The following TSHZ2 variants were observed in gnomAD, a reference collection of about 807,000 sequenced individuals.
The protein encoded by TSHZ2 is teashirt zinc finger homeobox 2.
A neutral mutation model predicts 74.4 loss-of-function variants in TSHZ2; 21 were observed. The observed-to-expected ratio is 0.28, with a 90% CI of 0.20 to 0.41. TSHZ2 has a LOEUF of 0.41. TSHZ2 is among the 10% of genes least tolerant of loss of function. TSHZ2 has a pLI of 1.00. For missense variants in TSHZ2, 1,244 were observed against 1,293.5 expected (o/e 0.96, Z 0.59); for synonymous variants, 540 against 515.3 (o/e 1.05, Z -0.65).
intron 2 of TSHZ2, among the ~76,000 whole-genome samples, chr20:53,485,645 G>A (rs1986271316): frequency 6.6e-6 from 1 of 151,708 alleles, no homozygotes; most frequent in Non-Finnish European, 1.5e-5. Flanking sequence ...AGAGGCGGAG[G>A]TTGTAATGAA....
intron 1 of TSHZ2, 38 bp downstream of exon 1, chr20:52,973,371 G>A (rs926701068): frequency 1.9e-6 from 3 of 1,548,774 alleles, no homozygotes; most frequent in South Asian, 1.2e-5. Flanking sequence ...TGCCCTGTGC[G>A]CCGAGCTCCT....
At chr20:53,059,429 G>A (rs1301522018) in intron 1 of TSHZ2, among the ~76,000 whole-genome samples, 1 of 152,094 alleles carries the variant, frequency 6.6e-6, no homozygotes, top group Non-Finnish European at 1.5e-5. Flanking sequence ...TTAACATTCC[G>A]AGAAAAGACT....
rs199867379 is a variant in TSHZ2 at position 53,230,753 on chromosome 20, G to A, written c.41-22746G>A. The stretch of plus-strand genomic sequence containing the variant: ...TAAAAATACAAAAAATTAGCTGGGC[G>A]TGGTGGTGGCCACTTGTAATCCCAG... On this transcript the variant is annotated intron_variant, in intron 1 of 2. Transcript: ENST00000371497. 3.4e-4 allele frequency among the ~76,000 whole-genome samples: 52 copies of A among 152,020 alleles called. No homozygotes were observed. The South Asian group carries it at 4.2e-3, about 12-fold the overall frequency.
chr20:53,468,176 C>T (rs564137111), intron 2 of TSHZ2, among the ~76,000 whole-genome samples: 10 of 152,128 alleles, frequency 6.6e-5, no homozygotes, highest in African/African-American at 2.2e-4. Context: ...CAGAGAATGC[C>T]TCTCTGTCTT....
At position 53,141,684 on chromosome 20, in the gene TSHZ2, A is replaced by G. The variant is rs543870472; in HGVS notation, c.41-111815A>G. On this transcript the variant is annotated intron_variant, in intron 1 of 2. Coordinates refer to ENST00000371497, the MANE Select transcript of TSHZ2 (RefSeq NM_173485.6). ...GCTGTTTGTCACCTTTCCTGCACCTATCCGGGCCCTCCCTGGTGGAGTGTG... is the reference window on the plus strand; with the variant it reads ...GCTGTTTGTCACCTTTCCTGCACCTGTCCGGGCCCTCCCTGGTGGAGTGTG... 1.5e-3 allele frequency among the ~76,000 whole-genome samples: 231 copies of G among 152,326 alleles called. 1 individual carries two copies. Among genetic ancestry groups the G allele is most frequent in the Middle Eastern group, 0.01 (3 of 294 alleles).
intron 2 of TSHZ2, among the ~76,000 whole-genome samples, chr20:53,391,151 TTTTGG>T (rs149288139): frequency 0.071 from 10,742 of 150,684 alleles, 1,044 homozygotes; most frequent in African/African-American, 0.21. Context: ...TTTTGTTTTG[TTTTGG>T]TTTGGTTTGA....
chr20:53,278,316 A>G (rs1039112247), intron 2 of TSHZ2, among the ~76,000 whole-genome samples: 1 of 152,180 alleles, frequency 6.6e-6, no homozygotes, highest in Non-Finnish European at 1.5e-5. Context: ...TACTCTTCTC[A>G]TGATGTCTCA....
chr20:53,033,065 C>T (rs911736627), intron 1 of TSHZ2, among the ~76,000 whole-genome samples: 1 of 152,134 alleles, frequency 6.6e-6, no homozygotes, highest in Non-Finnish European at 1.5e-5. Flanking sequence ...GGTGACTTTC[C>T]ATGCCCAGAA....
chr20:53,488,779 G>A lies in TSHZ2; in HGVS notation c.*1644G>A, dbSNP rs1407884244. ...TTCCTCACCATTTCTCAAGGAGGCT[G>A]CCTGTTGGAATTGTTTTGGAAATTT... is the stretch of plus-strand genomic sequence containing the variant. On this transcript the variant is annotated 3_prime_UTR_variant, in exon 3 of 3. Coordinates refer to ENST00000371497, the MANE Select transcript of TSHZ2 (RefSeq NM_173485.6). The A allele has an allele frequency of 3.1e-6, 1 of 321,490 alleles. No homozygotes were observed. Among genetic ancestry groups the A allele is most frequent in the African/African-American group, 2.2e-5 (1 of 45,506 alleles). The allele number at this position is 321,490 out of a possible 1,614,324, so 19.9% of individuals were successfully genotyped here.
chr20:53,099,593 G>T (rs1252725220), intron 1 of TSHZ2, among the ~76,000 whole-genome samples: 1 of 152,206 alleles, frequency 6.6e-6, no homozygotes, highest in Non-Finnish European at 1.5e-5. Flanking sequence ...TAAAGAAAAA[G>T]AGGTTTAATG....
chr20:53,093,012 TTGCCCTG>T (rs536763431), intron 1 of TSHZ2, among the ~76,000 whole-genome samples: 74 of 152,186 alleles, frequency 4.9e-4, no homozygotes, highest in Non-Finnish European at 9.1e-4. Flanking sequence ...GGACTGTAGT[TTGCCCTG>T]TGCTAGGGAG....
chr20:53,273,895 C>T (rs1354753814), intron 2 of TSHZ2, among the ~76,000 whole-genome samples: 1 of 152,188 alleles, frequency 6.6e-6, no homozygotes, highest in East Asian at 1.9e-4. Flanking sequence ...GACCAGGATA[C>T]AACTGCTCTT....
intron 1 of TSHZ2, among the ~76,000 whole-genome samples, chr20:53,175,963 GTAAA>G (rs1185957492): frequency 6.6e-6 from 1 of 152,176 alleles, no homozygotes. Context: ...GAGTAAAAAC[GTAAA>G]TAAATAAACA....
intron 1 of TSHZ2, among the ~76,000 whole-genome samples, chr20:53,050,145 A>ATATATT (rs1218722546): frequency 1.0e-4 from 10 of 96,690 alleles, no homozygotes; most frequent in African/African-American, 2.9e-4. Context: ...ATATGTGTAT[A>ATATATT]TATATATACA....
intron 1 of TSHZ2, among the ~76,000 whole-genome samples, chr20:53,149,282 T>G (rs1394678980): frequency 6.6e-6 from 1 of 152,034 alleles, no homozygotes; most frequent in African/African-American, 2.4e-5. Flanking sequence ...AGGTGTCATT[T>G]GTCACTGGGG....
At chr20:53,069,662 TACACACACACACACACACACACACACAC>T (rs11471151) in intron 1 of TSHZ2, among the ~76,000 whole-genome samples, 10 of 138,996 alleles carry the variant, frequency 7.2e-5, no homozygotes, top group South Asian at 2.6e-4. Flanking sequence ...AATGCTTTGA[TACACACACACACACACACACACACACAC>T]ACACACACAC....
intron 2 of TSHZ2, among the ~76,000 whole-genome samples, chr20:53,268,926 C>G (rs1315672019): frequency 6.6e-6 from 1 of 152,208 alleles, no homozygotes; most frequent in Non-Finnish European, 1.5e-5. Context: ...CGGGGCAAGT[C>G]AGTTATTCTC....
At chr20:53,110,866 A>T (rs1986514800) in intron 1 of TSHZ2, among the ~76,000 whole-genome samples, 1 of 152,132 alleles carries the variant, frequency 6.6e-6, no homozygotes, top group South Asian at 2.1e-4. Flanking sequence ...GTTCTGGAAG[A>T]TGCAGCTGAG....
At chr20:53,271,683 G>A (rs186542931) in intron 2 of TSHZ2, among the ~76,000 whole-genome samples, 178 of 152,334 alleles carry the variant, frequency 1.2e-3, no homozygotes, top group African/African-American at 4.0e-3. Flanking sequence ...GAGCTAGCCA[G>A]GAGGATAAGA....
Sources: gnomAD v4.1 joint callset for allele counts (sites outside exome capture counted in the v4.1 genomes callset) on GRCh38, gnomAD v4.1.1 for gene constraint, MANE v1.5 for transcripts, NCBI Gene and HGNC (gene_info 2026-07-23, HGNC 2026-07-21) for gene names.